Variants in SDCBP2 observed in about 807,000 individuals in gnomAD.
SDCBP2 encodes the protein syntenin-2.
Under a neutral mutation model 30.7 loss-of-function variants are expected in SDCBP2, and 28 were observed. The ratio of observed to expected loss-of-function variants is 0.91; its 90% confidence interval spans 0.68 to 1.25. The LOEUF (loss-of-function observed/expected upper bound fraction) is 1.25, where lower values mean the gene tolerates loss of function less well. SDCBP2 is among the 50% of genes most tolerant of loss of function. SDCBP2 has a pLI of 0.00. For synonymous variants in SDCBP2, 166 were observed against 157.3 expected, an observed-to-expected ratio of 1.06 and a Z score of -0.41; for missense variants, 399 against 379.0, an observed-to-expected ratio of 1.05 and a Z score of -0.44.
Position 1,312,688 on chromosome 20 carries a change from C to G in SDCBP2, c.459G>C (p.Leu153=). The G allele has an allele frequency of 6.2e-7, 1 of 1,614,178 alleles. No individual in the cohort carries two copies. Among genetic ancestry groups the G allele is most frequent in the East Asian group, 2.2e-5 (1 of 44,872 alleles). ...CAGCACAGTCACGCCCGTCAATCTGCAGGAGCTGGTCCCCAAAGCGCAGCC... is the reference window on the plus strand; with the variant it reads ...CAGCACAGTCACGCCCGTCAATCTGGAGGAGCTGGTCCCCAAAGCGCAGCC... ...LVGLRFGDQL[L]QIDGRDCAGW... is the part of the protein sequence containing the mutation. The change falls in exon 6 of 9, where the codon CTG becomes CTC. Residue 153 remains leucine (L), a synonymous_variant. Transcript: ENST00000360779.
At chr20:1,311,313 G>T (rs562414186) in intron 7 of SDCBP2, among the ~76,000 whole-genome samples, 2 of 152,126 alleles carry the variant, frequency 1.3e-5, no homozygotes, top group Non-Finnish European at 2.9e-5. Context: ...GGTACTAGGC[G>T]TACCCATCCA....
intron 4 of SDCBP2, among the ~76,000 whole-genome samples, chr20:1,314,824 C>T (rs2088752049): frequency 6.6e-6 from 1 of 152,046 alleles, no homozygotes; most frequent in South Asian, 2.1e-4. Flanking sequence ...GAACCGTATG[C>T]TGAAAACAAC....
intron 7 of SDCBP2, 32 bp downstream of exon 7, chr20:1,312,305 G>A (rs1214817736): frequency 4.4e-6 from 7 of 1,602,798 alleles, no homozygotes; most frequent in Middle Eastern, 1.7e-4. Flanking sequence ...CCACCACCCG[G>A]CAGTCCCTCC....
Position 1,310,108 on chromosome 20 carries a change from C to T in SDCBP2, c.*333G>A. 1 of 250,302 alleles carries T rather than the reference C, an allele frequency of 4.0e-6. No individual in the cohort carries two copies. The highest frequency in any genetic ancestry group is 7.6e-6 in the Non-Finnish European group (1 of 131,344). The allele number at this position is 250,302 out of a possible 1,614,324, so 15.5% of individuals were successfully genotyped here. On this transcript the variant is annotated 3_prime_UTR_variant, in exon 9 of 9. Transcript: ENST00000360779. ...AGCTCTGTTCTCTTAAAATGTGTAA[C>T]TGTTTTCCTGGTAGAGCAAAATTTC... is the stretch of plus-strand genomic sequence containing the variant.
In SDCBP2 at chr20:1,312,608, A is replaced by G. The variant is rs1433621960; in HGVS notation, c.539T>C (p.Ile180Thr). Reference protein sequence around the residue: ...QVVKKASGDKIVVVVRDRPFQ... With the variant: ...QVVKKASGDKTVVVVRDRPFQ... ...TCACCTGTCCCGAACCACCACGACA[A>G]TCTTATCGCCTGATGCCTTCTTCAC... Residue 180 changes from isoleucine (I) to threonine (T), a missense_variant, in exon 6 of 9, where the codon ATT becomes ACT. Ile to Thr is a moderately conservative substitution (Grantham distance 89). Transcript: ENST00000360779. The G allele has an allele frequency of 2.2e-5, 36 of 1,613,790 alleles. No individual in the cohort carries two copies. The highest frequency in any genetic ancestry group is 2.9e-5 in the Non-Finnish European group (34 of 1,179,880).
At chr20:1,328,922 G>C (rs2088972682) in intron 1 of SDCBP2, among the ~76,000 whole-genome samples, 163 bp downstream of exon 1, 1 of 152,080 alleles carries the variant, frequency 6.6e-6, no homozygotes. Flanking sequence ...ATCAGAAGAA[G>C]AAACCCCACT....
chr20:1,312,565 C>T (rs193062317), intron 6 of SDCBP2, 22 bp downstream of exon 6: 1 of 1,613,216 alleles, frequency 6.2e-7, no homozygotes, highest in Non-Finnish European at 8.5e-7. Context: ...GACGGAGAGG[C>T]TGCCCGGGCC....
In SDCBP2 at chr20:1,310,259, T is replaced by G; in HGVS notation, c.*182A>C. The stretch of plus-strand genomic sequence containing the variant: ...GCCTGAGCCTCAGCCTAGCTTGGAG[T>G]CTGAGGCTCCAAGGAGGCCTGTGTG... On this transcript the variant is annotated 3_prime_UTR_variant, in exon 9 of 9. Transcript: ENST00000360779. The G allele has an allele frequency of 1.9e-6, 1 of 536,398 alleles. No individual in the cohort carries two copies. Among genetic ancestry groups the G allele is most frequent in the East Asian group, 3.2e-5 (1 of 31,558 alleles). The allele number at this position is 536,398 out of a possible 1,614,324, so 33.2% of individuals were successfully genotyped here.
Position 1,324,577 on chromosome 20 carries a change from G to T in SDCBP2, c.-19-4142C>A, listed in dbSNP as rs1216131756. 6.6e-6 allele frequency among the ~76,000 whole-genome samples: 1 copy of T among 152,154 alleles called. No individual in the cohort carries two copies. Among genetic ancestry groups the T allele is most frequent in the Non-Finnish European group, 1.5e-5 (1 of 68,032 alleles). On this transcript the variant is annotated intron_variant, in intron 1 of 8. Transcript: ENST00000360779. The surrounding 1 kb of genome is among the most constrained non-coding windows in gnomAD (Gnocchi z 4.7). ...GTAAGCCAAAAATCCGTTATAATTG[G>T]TTGTACATACAATCACAATGAATTT... is the stretch of plus-strand genomic sequence containing the variant.
chr20:1,312,462 C>T lies in SDCBP2; in HGVS notation c.607G>A (p.Val203Ile), dbSNP rs200669106. 103 of 1,614,150 alleles carry T rather than the reference C, an allele frequency of 6.4e-5. No homozygotes were observed. Among genetic ancestry groups the T allele is most frequent in the Middle Eastern group, 1.6e-4 (1 of 6,062 alleles). Residue 203 changes from valine to isoleucine, a missense_variant, in exon 7 of 9, where the codon GTC (valine) becomes ATC (isoleucine). Coordinates refer to ENST00000360779, the MANE Select transcript of SDCBP2 (RefSeq NM_080489.5). ...VTMHKDSMGH[V>I]GFVIKKGKIV... Reference sequence around the variant, plus strand: ...TTCCCCTTCTTGATCACGAAGCCGACGTGGCCCATGCTGTCCTTGTGCATG... The same window carrying T: ...TTCCCCTTCTTGATCACGAAGCCGATGTGGCCCATGCTGTCCTTGTGCATG...
chr20:1,316,643 G>C (rs117043214), intron 4 of SDCBP2, among the ~76,000 whole-genome samples: 5,878 of 152,284 alleles, frequency 0.039, 155 homozygotes, highest in Middle Eastern at 0.078. Flanking sequence ...ACCTGTCTCA[G>C]CTTCCCAAAG....
chr20:1,312,665 GCA>G lies in SDCBP2; in HGVS notation c.480_481del (p.Ala161TrpfsTer18). 1 of 1,614,146 alleles carries G rather than the reference GCA, an allele frequency of 6.2e-7. No individual in the cohort carries two copies. Among genetic ancestry groups the G allele is most frequent in the Non-Finnish European group, 8.5e-7 (1 of 1,180,032 alleles). On this transcript the variant is annotated frameshift_variant, in exon 6 of 9. Coordinates refer to ENST00000360779, the MANE Select transcript of SDCBP2 (RefSeq NM_080489.5). LOFTEE classifies it high-confidence loss of function. ...ATGGGCTTTGTGCGAGCTCCACCCAGCACAGTCACGCCCGTCAATCTGCAGGA... is the reference window on the plus strand; with the variant it reads ...ATGGGCTTTGTGCGAGCTCCACCCAGCAGTCACGCCCGTCAATCTGCAGGA...
intron 1 of SDCBP2, among the ~76,000 whole-genome samples, chr20:1,328,425 G>C (rs2088963198): frequency 6.6e-6 from 1 of 152,126 alleles, no homozygotes; most frequent in South Asian, 2.1e-4. Flanking sequence ...ATTGTCATGA[G>C]CTTGGGCCAC....
chr20:1,310,598 T>A, intron 8 of SDCBP2, 103 bp from the exon 9 acceptor site: 1 of 1,192,004 alleles, frequency 8.4e-7, no homozygotes. Flanking sequence ...GGGCCTTCAC[T>A]CCCAGTTCTA....
chr20:1,310,590 G>A lies in SDCBP2; in HGVS notation c.825-95C>T, dbSNP rs2088647906. On this transcript the variant is annotated intron_variant, in intron 8 of 8. Transcript: ENST00000360779. ...TTCCGAGCCAGTGCATCCCATGTGG[G>A]CCTTCACTCCCAGTTCTAAGACTTT... 2.4e-6 allele frequency: 3 copies of A among 1,234,592 alleles called. No individual in the cohort carries two copies. In the African/African-American group the frequency reaches 4.5e-5, roughly 18 times the overall value. 76.5% of individuals were successfully genotyped at this position (1,234,592 alleles called of 1,614,324 possible).
At chr20:1,328,004 G>A (rs999849979) in intron 1 of SDCBP2, among the ~76,000 whole-genome samples, 1 of 152,206 alleles carries the variant, frequency 6.6e-6, no homozygotes, top group Non-Finnish European at 1.5e-5. Context: ...AGAAAGAGCA[G>A]GACGGAGGGT....
At chr20:1,318,286 G>A (rs1385800320) in intron 4 of SDCBP2, 32 bp downstream of exon 4, 1 of 1,452,614 alleles carries the variant, frequency 6.9e-7, no homozygotes, top group East Asian at 2.3e-5. Flanking sequence ...GGGAGGTTCT[G>A]CGCCCGCAGC....
intron 3 of SDCBP2, chr20:1,319,380 T>C (rs563606116): frequency 3.5e-6 from 2 of 573,816 alleles, no homozygotes; most frequent in East Asian, 6.3e-5. Context: ...GGGAACAGCA[T>C]GGGCACAGGC....
At chr20:1,310,750 GGGGAT>G in intron 8 of SDCBP2, 45 bp downstream of exon 8, 1 of 1,511,408 alleles carries the variant, frequency 6.6e-7, no homozygotes, top group Non-Finnish European at 9.1e-7. Flanking sequence ...GGGAGGTGAA[GGGGAT>G]GGCAGAGGAG....
Sources: gnomAD v4.1 joint callset for allele counts (sites outside exome capture counted in the v4.1 genomes callset) on GRCh38, gnomAD v4.1.1 for gene constraint, Gnocchi (gnomAD v3.1) non-coding constraint, MANE v1.5 for transcripts, NCBI Gene and HGNC (gene_info 2026-07-23, HGNC 2026-07-21) for gene names.